CCDC127: variants seen among roughly 807,000 people sequenced by gnomAD.
CCDC127 encodes the protein coiled-coil domain containing 127, also known as coiled-coil domain-containing protein 127.
In CCDC127, 2 loss-of-function variants were observed where a neutral mutation model predicts 4.1. The ratio of observed to expected loss-of-function variants is 0.49; its 90% CI spans 0.20 to 1.53. The LOEUF (loss-of-function observed/expected upper bound fraction) is 1.53, where lower values mean the gene tolerates loss of function less well. Ranked by LOEUF, CCDC127 falls within the 40% of genes most tolerant of loss-of-function variation. CCDC127 has a pLI of 0.23. For synonymous variants in CCDC127, 98 were observed against 120.4 expected (o/e 0.81, Z 1.22); for missense variants, 271 against 322.9 (o/e 0.84, Z 1.23).
rs892236190 is a variant in CCDC127 at position 202,619 on chromosome 5, G to A, written c.*2678C>T. On this transcript the variant is annotated 3_prime_UTR_variant, in exon 3 of 3. Transcript: ENST00000296824. ...CTCGTCTTCCTAACTCTGCAGGACCGGGTCAGCGGGTCAGTGTCCACACCA... is the reference window on the plus strand; with the variant it reads ...CTCGTCTTCCTAACTCTGCAGGACCAGGTCAGCGGGTCAGTGTCCACACCA... The A allele has an allele frequency of 1.3e-5, 2 of 152,312 alleles. No homozygotes were observed. Among genetic ancestry groups the A allele is most frequent in the East Asian group, 1.9e-4 (1 of 5,166 alleles). The allele number at this position is 152,312 out of a possible 1,614,324, so 9.4% of individuals were successfully genotyped here. A position where few individuals can be genotyped will look rare whatever the true frequency, so the allele number is the denominator to read the frequency against.
intron 1 of CCDC127, 39 bp downstream of exon 1, chr5:218,054 T>C (rs913442052): frequency 5.5e-6 from 6 of 1,097,886 alleles, no homozygotes; most frequent in Admixed American, 5.0e-5. Context: ...TTTAAAAATG[T>C]TGGTGCCCAC....
Position 201,457 on chromosome 5 carries a change from C to T in CCDC127, c.*3840G>A, listed in dbSNP as rs1039010821. 2.6e-5 allele frequency: 4 copies of T among 152,198 alleles called. No individual in the cohort carries two copies. Among genetic ancestry groups the T allele is most frequent in the East Asian group, 1.9e-4 (1 of 5,206 alleles). The allele number at this position is 152,198 out of a possible 1,614,324, so 9.4% of individuals were successfully genotyped here. On this transcript the variant is annotated 3_prime_UTR_variant, in exon 3 of 3. Transcript: ENST00000296824. ...CACAGATCATTTGGTGAAGTTTTTC[C>T]GTTGAAACACCCCATAATTGGTGCA... is the stretch of plus-strand genomic sequence containing the variant.
chr5:211,356 G>A (rs59457159), intron 2 of CCDC127, among the ~76,000 whole-genome samples: 877 of 19,064 alleles, frequency 0.046, 15 homozygotes, highest in African/African-American at 0.12. Flanking sequence ...TGGGGCAGAC[G>A]GGACAGCAGT....
At chr5:213,681 C>T (rs576758352) in intron 2 of CCDC127, among the ~76,000 whole-genome samples, 10 of 152,340 alleles carry the variant, frequency 6.6e-5, no homozygotes, top group African/African-American at 2.2e-4. Context: ...ATGGGGCAGA[C>T]GGGACAGCAG....
Position 204,248 on chromosome 5 carries a change from C to T in CCDC127, c.*1049G>A, listed in dbSNP as rs1443863827. The T allele has an allele frequency of 6.6e-6, 1 of 152,326 alleles. No homozygotes were observed. The highest frequency in any genetic ancestry group is 2.4e-5 in the African/African-American group (1 of 41,446). 9.4% of individuals were successfully genotyped at this position (152,326 alleles called of 1,614,324 possible). On this transcript the variant is annotated 3_prime_UTR_variant, in exon 3 of 3. Coordinates refer to ENST00000296824, the MANE Select transcript of CCDC127 (RefSeq NM_145265.3). ...TGCTGATTCTGCTCTGTGCTGAGTC[C>T]AACCCTGTGCTGAGTCCTGTGAGAT...
At chr5:213,287 G>A (rs1006487768) in intron 2 of CCDC127, among the ~76,000 whole-genome samples, 2 of 81,550 alleles carry the variant, frequency 2.5e-5, no homozygotes, top group Admixed American at 2.4e-4. Flanking sequence ...CTGCAGCCAC[G>A]ACGAGACAGC....
At chr5:206,288 T>C (rs915399098) in intron 2 of CCDC127, among the ~76,000 whole-genome samples, 1 of 150,478 alleles carries the variant, frequency 6.6e-6, no homozygotes, top group Non-Finnish European at 1.5e-5. Flanking sequence ...CAACTACCGT[T>C]GGCCAGGTTC....
intron 2 of CCDC127, among the ~76,000 whole-genome samples, chr5:210,718 G>C (rs371751): frequency 1.2e-3 from 156 of 130,644 alleles, no homozygotes; most frequent in South Asian, 5.7e-3. Context: ...ACACCCATCA[G>C]GATGGGGCAG....
In CCDC127 at chr5:213,646, G is replaced by A. The variant is rs543500290; in HGVS notation, c.121+3083C>T. Among the ~76,000 whole-genome samples, 6 of 152,228 alleles carry A rather than the reference G, an allele frequency of 3.9e-5. No individual in the cohort carries two copies. In the South Asian group the frequency reaches 1.2e-3, roughly 32 times the overall value. On this transcript the variant is annotated intron_variant, in intron 2 of 2. Transcript: ENST00000296824. ...CGACATTGCACGCTGCAGCCACGAT[G>A]AGACAGCACCACACACCCATCAGGA...
In CCDC127 at chr5:204,752, A is replaced by G. The variant is rs1458535342; in HGVS notation, c.*545T>C. On this transcript the variant is annotated 3_prime_UTR_variant, in exon 3 of 3. Coordinates refer to ENST00000296824, the MANE Select transcript of CCDC127 (RefSeq NM_145265.3). ...CAAACACACATTAAGTAACAACTGG[A>G]TACAAGAAACACTTGGTATTTCCCC... 6.6e-6 allele frequency: 1 copy of G among 152,398 alleles called. No individual in the cohort carries two copies. The highest frequency in any genetic ancestry group is 2.4e-5 in the African/African-American group (1 of 41,470). The allele number at this position is 152,398 out of a possible 1,614,324, so 9.4% of individuals were successfully genotyped here.
At position 204,722 on chromosome 5, in the gene CCDC127, T is replaced by C. The variant is rs1006647000; in HGVS notation, c.*575A>G. 6.6e-6 allele frequency: 1 copy of C among 152,310 alleles called. No individual in the cohort carries two copies. Among genetic ancestry groups the C allele is most frequent in the African/African-American group, 2.4e-5 (1 of 41,448 alleles). The allele number at this position is 152,310 out of a possible 1,614,324, so 9.4% of individuals were successfully genotyped here. A position where few individuals can be genotyped will look rare whatever the true frequency, so the allele number is the denominator to read the frequency against. The stretch of plus-strand genomic sequence containing the variant: ...AAACACACATTAGGTAACAACTGCA[T>C]ACAACAAACACACATTAAGTAACAA... On this transcript the variant is annotated 3_prime_UTR_variant, in exon 3 of 3. Coordinates refer to ENST00000296824, the MANE Select transcript of CCDC127 (RefSeq NM_145265.3).
chr5:210,171 G>A (rs184039694), intron 2 of CCDC127, among the ~76,000 whole-genome samples: 1 of 152,206 alleles, frequency 6.6e-6, no homozygotes, highest in African/African-American at 2.4e-5. Context: ...ATGGGTAAGG[G>A]CTTAAATGTA....
In CCDC127 at chr5:197,052, T is replaced by C. The variant is rs1036676901; in HGVS notation, c.*8245A>G. 5.9e-5 allele frequency: 9 copies of C among 151,444 alleles called. No homozygotes were observed. The highest frequency in any genetic ancestry group is 4.2e-4 in the South Asian group (2 of 4,794). 9.4% of individuals were successfully genotyped at this position (151,444 alleles called of 1,614,324 possible). A position where few individuals can be genotyped will look rare whatever the true frequency, so the allele number is the denominator to read the frequency against. Reference sequence around the variant, plus strand: ...GCAAAAACGTGTGAGCAAAAGAATCTATGTCGTAATTAAGTTCAAGGGAAG... The same window carrying C: ...GCAAAAACGTGTGAGCAAAAGAATCCATGTCGTAATTAAGTTCAAGGGAAG... On this transcript the variant is annotated 3_prime_UTR_variant, in exon 3 of 3. Coordinates refer to ENST00000296824, the MANE Select transcript of CCDC127 (RefSeq NM_145265.3).
Position 204,350 on chromosome 5 carries a change from G to C in CCDC127, c.*947C>G, listed in dbSNP as rs1290279627. 6.6e-6 allele frequency: 1 copy of C among 152,266 alleles called. No homozygotes were observed. The highest frequency in any genetic ancestry group is 1.5e-5 in the Non-Finnish European group (1 of 68,058). The allele number at this position is 152,266 out of a possible 1,614,324, so 9.4% of individuals were successfully genotyped here. ...CGTAATAGTAATACTCACTTCACAG[G>C]ATTCGACTGAGGATTCCATGAGTGA... On this transcript the variant is annotated 3_prime_UTR_variant, in exon 3 of 3. Transcript: ENST00000296824.
At chr5:209,616 C>T (rs1734239848) in intron 2 of CCDC127, among the ~76,000 whole-genome samples, 1 of 63,438 alleles carries the variant, frequency 1.6e-5, no homozygotes, top group Non-Finnish European at 3.4e-5. Context: ...TTCCACAACA[C>T]ATAGGACTCC....
At chr5:206,740 A>G (rs1298268928) in intron 2 of CCDC127, among the ~76,000 whole-genome samples, 1 of 152,214 alleles carries the variant, frequency 6.6e-6, no homozygotes, top group Admixed American at 6.5e-5. Context: ...GCTGCTCAAT[A>G]ATTTCATGCA....
At chr5:207,365 C>G (rs1466996545) in intron 2 of CCDC127, among the ~76,000 whole-genome samples, 1 of 152,128 alleles carries the variant, frequency 6.6e-6, no homozygotes, top group Non-Finnish European at 1.5e-5. Flanking sequence ...AGGCAGGGGC[C>G]TGACCAGGAA....
rs1006698757 is a variant in CCDC127, at chr5:197,111, T to G, written c.*8186A>C. On this transcript the variant is annotated 3_prime_UTR_variant, in exon 3 of 3. Coordinates refer to ENST00000296824, the MANE Select transcript of CCDC127 (RefSeq NM_145265.3). ...CCTGGACGTGCACGTAGGCCAGATT[T>G]ATGTTTCTCTCCACCCAAACATCTC... 3.3e-5 allele frequency: 5 copies of G among 152,140 alleles called. No individual in the cohort carries two copies. Among genetic ancestry groups the G allele is most frequent in the African/African-American group, 1.2e-4 (5 of 41,492 alleles). The allele number at this position is 152,140 out of a possible 1,614,324, so 9.4% of individuals were successfully genotyped here.
chr5:200,985 C>CCAGT lies in CCDC127; in HGVS notation c.*4311_*4312insACTG, dbSNP rs1734065307. On this transcript the variant is annotated 3_prime_UTR_variant, in exon 3 of 3. Coordinates refer to ENST00000296824, the MANE Select transcript of CCDC127 (RefSeq NM_145265.3). ...AGCAGGCTGCCCCCATCACAGCCAG[C>CCAGT]GTCTACACAGCAGGCTGCCCCCATC... 1 of 133,734 alleles carries CCAGT rather than the reference C, an allele frequency of 7.5e-6. No individual in the cohort carries two copies. Among genetic ancestry groups the CCAGT allele is most frequent in the African/African-American group, 3.4e-5 (1 of 29,336 alleles). The allele number at this position is 133,734 out of a possible 1,614,324, so 8.3% of individuals were successfully genotyped here.
Sources: allele counts gnomAD v4.1 joint callset (sites outside exome capture counted in the v4.1 genomes callset), GRCh38; gene constraint gnomAD v4.1.1; transcripts MANE v1.5; gene names NCBI Gene and HGNC (gene_info 2026-07-23, HGNC 2026-07-21).